Variants in CALD1 observed in about 807,000 individuals in gnomAD.
CALD1 encodes the protein caldesmon.
In CALD1, 33 loss-of-function variants were observed where a neutral mutation model predicts 99.9. The ratio of observed to expected loss-of-function variants is 0.33; its 90% CI spans 0.25 to 0.44. The LOEUF (loss-of-function observed/expected upper bound fraction) is 0.44, where lower values mean the gene tolerates loss of function less well. Ranked by LOEUF, CALD1 falls within the 20% of genes least tolerant of loss-of-function variation. CALD1 has a pLI of 1.00. For synonymous variants in CALD1, 310 were observed against 325.0 expected (o/e 0.95, Z 0.50); for missense variants, 861 against 962.1 (o/e 0.89, Z 1.39).
chr7:134,819,251 A>AACTTC (rs552840288), intron 1 of CALD1, among the ~76,000 whole-genome samples: 1 of 152,170 alleles, frequency 6.6e-6, no homozygotes, highest in Non-Finnish European at 1.5e-5. Context: ...TTGCTGACCT[A>AACTTC]ACTCCTAGTC....
chr7:134,929,365 C>A (rs941861435), intron 4 of CALD1, among the ~76,000 whole-genome samples: 27 of 151,522 alleles, frequency 1.8e-4, no homozygotes, highest in Non-Finnish European at 4.0e-4. Flanking sequence ...CACACCACGC[C>A]CAATGCGCAG....
chr7:134,921,832 T>C (rs1451705795), intron 3 of CALD1, among the ~76,000 whole-genome samples: 1 of 151,778 alleles, frequency 6.6e-6, no homozygotes, highest in African/African-American at 2.4e-5. Flanking sequence ...ACAAAACTGA[T>C]CTTTTAAATT....
intron 1 of CALD1, among the ~76,000 whole-genome samples, chr7:134,835,249 C>A (rs1799386451): frequency 6.6e-6 from 1 of 152,204 alleles, no homozygotes; most frequent in Non-Finnish European, 1.5e-5. Context: ...CTGTGTCCTG[C>A]TGCTGCCCAG....
chr7:134,790,546 T>G (rs1797487502), intron 1 of CALD1, among the ~76,000 whole-genome samples: 1 of 152,224 alleles, frequency 6.6e-6, no homozygotes, highest in African/African-American at 2.4e-5. Flanking sequence ...GGAGCCATAC[T>G]GCAGTTCAAC....
intron 3 of CALD1, among the ~76,000 whole-genome samples, chr7:134,877,068 T>C (rs10488465): frequency 0.25 from 37,805 of 152,100 alleles, 6,104 homozygotes; most frequent in East Asian, 0.65. Flanking sequence ...TAAGGTTTAA[T>C]GCAGATTATA....
intron 1 of CALD1, among the ~76,000 whole-genome samples, chr7:134,808,143 C>G (rs1251771532): frequency 6.6e-6 from 1 of 151,160 alleles, no homozygotes; most frequent in Non-Finnish European, 1.5e-5. Context: ...CTTTGTCGCC[C>G]AGGCTTGAGT....
chr7:134,889,879 C>G (rs138859055), intron 3 of CALD1, among the ~76,000 whole-genome samples: 83 of 152,194 alleles, frequency 5.5e-4, no homozygotes, highest in African/African-American at 1.7e-3. Context: ...TGTATTTACT[C>G]TATAAACTAT....
chr7:134,965,704 T>C (rs749496667), intron 14 of CALD1, among the ~76,000 whole-genome samples: 8 of 152,120 alleles, frequency 5.3e-5, no homozygotes, highest in Non-Finnish European at 1.2e-4. Context: ...GGTCCCAGCT[T>C]AGTGCCACAG....
At chr7:134,892,804 T>G (rs1291649279) in intron 3 of CALD1, among the ~76,000 whole-genome samples, 1 of 152,236 alleles carries the variant, frequency 6.6e-6, no homozygotes, top group Admixed American at 6.5e-5. Context: ...GTTTGGGATC[T>G]AGAGCTCCTC....
chr7:134,829,778 T>C (rs915072565), intron 1 of CALD1, among the ~76,000 whole-genome samples: 6 of 152,202 alleles, frequency 3.9e-5, no homozygotes, highest in Admixed American at 2.6e-4. Context: ...GGCTGGAAGA[T>C]AGAACAGAAA....
chr7:134,721,113 G>C, the CALD1 span, among the ~76,000 whole-genome samples: 14 of 152,152 alleles, frequency 9.2e-5, no homozygotes, highest in Non-Finnish European at 1.8e-4. Context: ...TAGGCCGCTG[G>C]AACAGGAGGC....
At chr7:134,807,838 G>A (rs1798205090) in intron 1 of CALD1, among the ~76,000 whole-genome samples, 1 of 152,100 alleles carries the variant, frequency 6.6e-6, no homozygotes, top group Admixed American at 6.6e-5. Flanking sequence ...ATGTTGGCCA[G>A]GCTGGTCTTG....
intron 1 of CALD1, among the ~76,000 whole-genome samples, chr7:134,764,616 T>C (rs1018962211): frequency 6.6e-6 from 1 of 152,240 alleles, no homozygotes; most frequent in African/African-American, 2.4e-5. Context: ...AGGATGGATA[T>C]ACTTAAATAC....
intron 3 of CALD1, among the ~76,000 whole-genome samples, chr7:134,923,888 T>G (rs1804793470): frequency 1.3e-5 from 2 of 152,228 alleles, no homozygotes; most frequent in South Asian, 4.1e-4. Flanking sequence ...TGAGAAGTTT[T>G]CCTAAGTAAA....
chr7:134,883,373 A>C (rs1179503581), intron 3 of CALD1, among the ~76,000 whole-genome samples: 1 of 152,056 alleles, frequency 6.6e-6, no homozygotes, highest in East Asian at 1.9e-4. Flanking sequence ...AGTATCATCT[A>C]TTTTATCTTT....
chr7:134,731,430 T>A, the CALD1 span, among the ~76,000 whole-genome samples: 1 of 152,200 alleles, frequency 6.6e-6, no homozygotes, highest in Non-Finnish European at 1.5e-5. Flanking sequence ...ATCCCTGCAG[T>A]CTGGCTTCAG....
intron 3 of CALD1, among the ~76,000 whole-genome samples, chr7:134,870,040 C>A (rs1224658358): frequency 6.6e-6 from 1 of 152,170 alleles, no homozygotes; most frequent in African/African-American, 2.4e-5. Flanking sequence ...ACCTCAGGTT[C>A]TCATGATAGT....
At chr7:134,777,688 C>T (rs1179769964), upstream of CALD1, among the ~76,000 whole-genome samples, 3 of 152,074 alleles carry the variant, frequency 2.0e-5, no homozygotes, top group African/African-American at 7.2e-5. Flanking sequence ...TGGAGAATAC[C>T]ACCTGGAGAT....
At chr7:134,736,021 C>A in the CALD1 span, among the ~76,000 whole-genome samples, 1 of 152,132 alleles carries the variant, frequency 6.6e-6, no homozygotes, top group Admixed American at 6.5e-5. Context: ...TAGGGAGAGA[C>A]AAAATGCAAT....
Sources: allele counts gnomAD v4.1 joint callset (sites outside exome capture counted in the v4.1 genomes callset), GRCh38; gene constraint gnomAD v4.1.1; transcripts MANE v1.5; gene names NCBI Gene and HGNC (gene_info 2026-07-23, HGNC 2026-07-21).